RANBP2: variants seen among roughly 807,000 people sequenced by gnomAD.
RANBP2 encodes E3 SUMO-protein ligase RanBP2.
In RANBP2, 57 loss-of-function variants were observed where a neutral mutation model predicts 303.6. That is an observed-to-expected ratio of 0.19 (90% CI 0.15 to 0.23). The LOEUF is 0.23. Ranked by LOEUF, RANBP2 falls within the 10% of genes least tolerant of loss-of-function variation. The pLI is 1.00. For missense variants in RANBP2, 3,138 were observed against 3,780.8 expected (o/e 0.83, Z 4.46); for synonymous variants, 1,167 against 1,301.5 (o/e 0.90, Z 2.23).
the RANBP2 span, among the ~76,000 whole-genome samples, chr2:109,632,418 A>G: frequency 6.6e-6 from 1 of 152,206 alleles, no homozygotes; most frequent in South Asian, 2.1e-4. Context: ...AATCTGTGGC[A>G]TCTGCACCAG....
chr2:109,406,398 GC>G, the RANBP2 span, among the ~76,000 whole-genome samples: 1 of 152,124 alleles, frequency 6.6e-6, no homozygotes, highest in Non-Finnish European at 1.5e-5. Flanking sequence ...GCTCTGGAGT[GC>G]CCAGGTCCAT....
the RANBP2 span, among the ~76,000 whole-genome samples, chr2:109,579,651 G>A: frequency 6.6e-6 from 1 of 151,152 alleles, no homozygotes; most frequent in Non-Finnish European, 1.5e-5. Context: ...CCAAAGTGCT[G>A]GGATTACAGG....
chr2:108,887,401 T>A, the RANBP2 span, among the ~76,000 whole-genome samples: 1 of 152,212 alleles, frequency 6.6e-6, no homozygotes, highest in Non-Finnish European at 1.5e-5. Flanking sequence ...CTTTTTTGAT[T>A]CTGTGAAAAG....
At chr2:109,338,175 A>G in the RANBP2 span, among the ~76,000 whole-genome samples, 1 of 152,174 alleles carries the variant, frequency 6.6e-6, no homozygotes, top group African/African-American at 2.4e-5. Context: ...TGGTACTTAC[A>G]GTGTGCCAGG....
the RANBP2 span, among the ~76,000 whole-genome samples, chr2:109,294,829 G>A: frequency 1.3e-5 from 2 of 152,186 alleles, no homozygotes; most frequent in Non-Finnish European, 2.9e-5. Context: ...CCAAGCCTCT[G>A]CCCCAGAGCT....
chr2:109,227,681 G>A, the RANBP2 span, among the ~76,000 whole-genome samples: 1 of 152,198 alleles, frequency 6.6e-6, no homozygotes, highest in Admixed American at 6.5e-5. Flanking sequence ...CTTCTGTGCT[G>A]TGCTCCCTGC....
chr2:109,046,911 TG>T, the RANBP2 span, among the ~76,000 whole-genome samples: 1 of 151,976 alleles, frequency 6.6e-6, no homozygotes, highest in Non-Finnish European at 1.5e-5. Flanking sequence ...CCCTGCCGGC[TG>T]GGGAGAAGGA....
the RANBP2 span, among the ~76,000 whole-genome samples, chr2:109,021,376 A>G: frequency 6.6e-6 from 1 of 152,052 alleles, no homozygotes; most frequent in African/African-American, 2.4e-5. Flanking sequence ...ACAAAAAAGT[A>G]GCCGGGCGTG....
chr2:109,580,700 T>A, the RANBP2 span, among the ~76,000 whole-genome samples: 5 of 152,060 alleles, frequency 3.3e-5, no homozygotes, highest in African/African-American at 7.2e-5. Context: ...TCACCTTAAA[T>A]AACTAGAAAC....
At chr2:108,896,246 A>G in the RANBP2 span, 1 of 152,486 alleles carries the variant, frequency 6.6e-6, no homozygotes, top group Non-Finnish European at 1.5e-5. Context: ...GATGACCTCA[A>G]GGATAGGTAA....
At chr2:108,769,661 C>T (rs114231018) in intron 20 of RANBP2, among the ~76,000 whole-genome samples, 3,280 of 152,106 alleles carry the variant, frequency 0.022, 116 homozygotes, top group African/African-American at 0.075. Flanking sequence ...GTAGTGGCAA[C>T]GGCATGTATA....
the RANBP2 span, among the ~76,000 whole-genome samples, chr2:109,386,270 C>T: frequency 1.1e-4 from 16 of 152,352 alleles, no homozygotes; most frequent in South Asian, 2.5e-3. Flanking sequence ...TGTGGATCTC[C>T]CTATCCGTTA....
the RANBP2 span, among the ~76,000 whole-genome samples, chr2:109,510,882 G>A: frequency 6.6e-6 from 1 of 152,212 alleles, no homozygotes; most frequent in Non-Finnish European, 1.5e-5. Flanking sequence ...GCTATGGGGA[G>A]TGGGCCCTTC....
chr2:108,788,793 C>G, downstream of RANBP2: 1 of 1,605,118 alleles, frequency 6.2e-7, no homozygotes, highest in East Asian at 2.2e-5. Context: ...ATGGCCAGTG[C>G]CAGATATTTT....
the RANBP2 span, among the ~76,000 whole-genome samples, chr2:109,287,682 G>A: frequency 2.6e-5 from 4 of 152,266 alleles, no homozygotes; most frequent in South Asian, 2.1e-4. Context: ...GCCCTCCCTC[G>A]GATCCTATCA....
At chr2:109,488,841 G>A in the RANBP2 span, among the ~76,000 whole-genome samples, 98 of 152,334 alleles carry the variant, frequency 6.4e-4, 2 homozygotes, top group South Asian at 0.014. Flanking sequence ...AGACCTTCAG[G>A]AAGTTATTGG....
the RANBP2 span, chr2:108,897,379 T>G: frequency 3.9e-6 from 3 of 772,094 alleles, no homozygotes; most frequent in Non-Finnish European, 6.3e-6. Flanking sequence ...AACAAATGCA[T>G]AACTTAAGGC....
At chr2:109,695,063 A>G in the RANBP2 span, among the ~76,000 whole-genome samples, 5 of 151,976 alleles carry the variant, frequency 3.3e-5, no homozygotes, top group South Asian at 6.2e-4. Flanking sequence ...TCTCATTTCC[A>G]TTATACTATT....
the RANBP2 span, among the ~76,000 whole-genome samples, chr2:109,661,206 A>G: frequency 6.6e-6 from 1 of 151,240 alleles, no homozygotes; most frequent in Non-Finnish European, 1.5e-5. Context: ...ATGCAGACTA[A>G]CGGAAGGTGA....
Sources: allele counts gnomAD v4.1 joint callset (sites outside exome capture counted in the v4.1 genomes callset), GRCh38; gene constraint gnomAD v4.1.1; transcripts MANE v1.5; gene names NCBI Gene and HGNC (gene_info 2026-07-23, HGNC 2026-07-21).